The following KLF13 variants were observed in gnomAD, a reference collection of about 807,000 sequenced individuals.
KLF13 encodes Krueppel-like factor 13.
In KLF13, 8 loss-of-function variants were observed where a neutral mutation model predicts 16.7. The ratio of observed to expected loss-of-function variants is 0.48; its 90% CI spans 0.28 to 0.87. KLF13 has a LOEUF of 0.87. Ranked by LOEUF, KLF13 falls within the 40% of genes least tolerant of loss-of-function variation. The pLI is 0.10. For missense variants in KLF13, 447 were observed against 452.2 expected, an observed-to-expected ratio of 0.99 and a Z score of 0.10; for synonymous variants, 245 against 208.4, an observed-to-expected ratio of 1.18 and a Z score of -1.51.
intron 2 of KLF13, among the ~76,000 whole-genome samples, chr15:31,397,754 C>A (rs2039973514): frequency 6.6e-6 from 1 of 151,968 alleles, no homozygotes; most frequent in African/African-American, 2.4e-5. Context: ...CAGTGGCCAG[C>A]AGCTCCTGGC....
At chr15:31,349,742 G>A (rs2039186395) in intron 1 of KLF13, among the ~76,000 whole-genome samples, 1 of 152,210 alleles carries the variant, frequency 6.6e-6, no homozygotes, top group African/African-American at 2.4e-5. Context: ...GCTGGGAGCA[G>A]GGGGCTTCAG....
Position 31,327,457 on chromosome 15 carries a change from A to T in KLF13, c.245A>T (p.Glu82Val). 8.4e-7 allele frequency: 1 copy of T among 1,188,186 alleles called. No homozygotes were observed. Among genetic ancestry groups the T allele is most frequent in the Non-Finnish European group, 1.0e-6 (1 of 961,848 alleles). The allele number at this position is 1,188,186 out of a possible 1,614,324, so 73.6% of individuals were successfully genotyped here. Residue 82 changes from glutamate to valine, a missense_variant, in exon 1 of 2, where the codon GAG becomes GTG. By Grantham distance (121) the Glu-to-Val change is moderately radical. Transcript: ENST00000307145. ...CAAGCGCCGGCGCCCGCCCCGGCGGAGCGCAGGGAGGGCGCCGCGGCCCGG... is the reference window on the plus strand; with the variant it reads ...CAAGCGCCGGCGCCCGCCCCGGCGGTGCGCAGGGAGGGCGCCGCGGCCCGG... ...NQQAPAPAPA[E>V]RREGAAARKA...
rs572833780 is a variant in KLF13 at position 31,357,240 on chromosome 15, G to A, written c.578-14770G>A. On this transcript the variant is annotated intron_variant, in intron 1 of 1. Coordinates refer to ENST00000307145, the MANE Select transcript of KLF13 (RefSeq NM_015995.4). Reference sequence around the variant, plus strand: ...ATGCGGTTCTTGTTTCCGCCAGGCCGTCTATGCGGTGAGGATGTTAGTGAC... The same window carrying A: ...ATGCGGTTCTTGTTTCCGCCAGGCCATCTATGCGGTGAGGATGTTAGTGAC... 3.6e-3 allele frequency among the ~76,000 whole-genome samples: 542 copies of A among 152,310 alleles called. 1 individual carries two copies. The highest frequency in any genetic ancestry group is 6.2e-3 in the Non-Finnish European group (422 of 68,024).
chr15:31,381,894 G>A (rs886656610), downstream of KLF13, among the ~76,000 whole-genome samples: 5 of 152,236 alleles, frequency 3.3e-5, no homozygotes, highest in Non-Finnish European at 5.9e-5. Flanking sequence ...CACAGCCGTT[G>A]CTCAGGGCGG....
intron 2 of KLF13, among the ~76,000 whole-genome samples, chr15:31,395,105 G>T (rs973779201): frequency 6.6e-6 from 1 of 152,098 alleles, no homozygotes; most frequent in African/African-American, 2.4e-5. Context: ...TCAGCCTCCT[G>T]AGTAGCTGGG....
chr15:31,371,605 C>T (rs185232016), intron 1 of KLF13, among the ~76,000 whole-genome samples: 313 of 152,318 alleles, frequency 2.1e-3, no homozygotes, highest in African/African-American at 7.0e-3. Flanking sequence ...GGCTGGACTC[C>T]GGGAGGCCTG....
rs151199375 is a variant in KLF13 at position 31,402,996 on chromosome 15, G to A, written n.530-432G>A. ...CTGACGCACAGGGCCAGGTCCCTTG[G>A]GGCCCAGCAGGAAAAATGGATGCCA... is the stretch of plus-strand genomic sequence containing the variant. On this transcript the variant is annotated intron_variant and non_coding_transcript_variant, in intron 2 of 2. Coordinates refer to the KLF13 transcript ENST00000500533. 2.6e-3 allele frequency among the ~76,000 whole-genome samples: 391 copies of A among 151,782 alleles called. 2 individuals carry two copies. The highest frequency in any genetic ancestry group is 9.2e-3 in the African/African-American group (377 of 41,054).
chr15:31,420,060 C>A (rs201166610), intron 1 of KLF13: 5 of 304,192 alleles, frequency 1.6e-5, no homozygotes, highest in African/African-American at 4.4e-5. Context: ...AAGAAAAAAA[C>A]CTTTTGTCAA....
upstream of KLF13, among the ~76,000 whole-genome samples, chr15:31,389,701 T>C (rs1011613258): frequency 6.6e-6 from 1 of 152,226 alleles, no homozygotes; most frequent in Non-Finnish European, 1.5e-5. Context: ...CCTCAGCCTT[T>C]ACTTTTGCAG....
intron 1 of KLF13, among the ~76,000 whole-genome samples, chr15:31,430,597 G>A (rs746697072): frequency 2.0e-5 from 3 of 152,090 alleles, no homozygotes; most frequent in Non-Finnish European, 4.4e-5. Context: ...CTCTGCCCTC[G>A]TGGCCTAACC....
At chr15:31,388,353 T>G (rs922055365), upstream of KLF13, among the ~76,000 whole-genome samples, 9 of 152,218 alleles carry the variant, frequency 5.9e-5, no homozygotes, top group African/African-American at 2.2e-4. Context: ...GGCTCACGCC[T>G]GTAATCCCAG....
At chr15:31,336,648 T>G (rs1475453578) in intron 1 of KLF13, among the ~76,000 whole-genome samples, 1 of 152,126 alleles carries the variant, frequency 6.6e-6, no homozygotes, top group Non-Finnish European at 1.5e-5. Flanking sequence ...AGAGCATGAA[T>G]AGGGGTGTCT....
At position 31,327,366 on chromosome 15, in the gene KLF13, C is replaced by T; in HGVS notation, c.154C>T (p.Arg52Cys). The T allele has an allele frequency of 1.6e-6, 2 of 1,286,098 alleles. No homozygotes were observed. Among genetic ancestry groups the T allele is most frequent in the Non-Finnish European group, 2.0e-6 (2 of 1,017,506 alleles). The allele number at this position is 1,286,098 out of a possible 1,614,324, so 79.7% of individuals were successfully genotyped here. ...ATPTLPRVEE[R>C]RDGKDSASLF... Reference sequence around the variant, plus strand: ...CCCCACGCTGCCCCGCGTCGAGGAGCGCCGCGACGGTAAGGACAGCGCCTC... The same window carrying T: ...CCCCACGCTGCCCCGCGTCGAGGAGTGCCGCGACGGTAAGGACAGCGCCTC... The change falls in exon 1 of 2, where the codon CGC (arginine) becomes TGC (cysteine). Residue 52 changes from arginine (R) to cysteine (C), a missense_variant. This residue lies in a region of KLF13 where 359 missense variants were observed against 282.8 expected (regional missense o/e 1.27). Coordinates refer to ENST00000307145, the MANE Select transcript of KLF13 (RefSeq NM_015995.4).
rs531986678 is a variant in KLF13 at position 31,425,873 on chromosome 15, G to A, written n.118-9497G>A. On this transcript the variant is annotated intron_variant and non_coding_transcript_variant, in intron 1 of 1. Coordinates refer to the KLF13 transcript ENST00000558225. The stretch of plus-strand genomic sequence containing the variant: ...GCCTGGCCAACAAGAGTGAAACTCC[G>A]TCTCAAAAAGAAAAAAAATCTAAAT... 9.4e-4 allele frequency among the ~76,000 whole-genome samples: 143 copies of A among 152,170 alleles called. 1 individual carries two copies. Among genetic ancestry groups the A allele is most frequent in the African/African-American group, 3.2e-3 (132 of 41,514 alleles).
chr15:31,330,378 T>C (rs1006527049), intron 1 of KLF13, among the ~76,000 whole-genome samples: 8 of 152,196 alleles, frequency 5.3e-5, no homozygotes, highest in African/African-American at 1.9e-4. Flanking sequence ...CCACAGTAAT[T>C]TCATGGCAGA....
At chr15:31,362,459 T>A (rs1246814310) in intron 1 of KLF13, among the ~76,000 whole-genome samples, 7 of 152,336 alleles carry the variant, frequency 4.6e-5, no homozygotes, top group Admixed American at 2.0e-4. Context: ...ACCATTGTTA[T>A]TTTAAGAGAG....
intron 2 of KLF13, among the ~76,000 whole-genome samples, chr15:31,398,774 G>A (rs564056530): frequency 2.6e-5 from 4 of 152,244 alleles, no homozygotes; most frequent in African/African-American, 7.2e-5. Context: ...ACCATGCACG[G>A]TGCCCTCCTC....
intron 1 of KLF13, among the ~76,000 whole-genome samples, chr15:31,386,092 A>AT (rs1170455375): frequency 6.6e-6 from 1 of 152,262 alleles, no homozygotes; most frequent in Non-Finnish European, 1.5e-5. Context: ...TCAAAGCCTA[A>AT]TTCAGAGCAA....
intron 1 of KLF13, among the ~76,000 whole-genome samples, chr15:31,433,836 C>T (rs982529858): frequency 2.0e-5 from 3 of 152,186 alleles, no homozygotes; most frequent in Non-Finnish European, 2.9e-5. Flanking sequence ...CCCTGGCAGC[C>T]GAGGCCACAG....
Sources: allele counts gnomAD v4.1 joint callset (sites outside exome capture counted in the v4.1 genomes callset), GRCh38; gene constraint gnomAD v4.1.1; regional missense constraint gnomAD v4.1.1; transcripts MANE v1.5; gene names NCBI Gene and HGNC (gene_info 2026-07-23, HGNC 2026-07-21).